LY86: variants seen among roughly 807,000 people sequenced by gnomAD.
LY86 encodes the protein lymphocyte antigen 86, also known as MD-1, RP105-associated.
Under a neutral mutation model 17.3 loss-of-function variants are expected in LY86, and 20 were observed. The ratio of observed to expected loss-of-function variants is 1.15; its 90% confidence interval spans 0.81 to 1.68. The LOEUF is 1.68. Ranked by LOEUF, LY86 falls within the 40% of genes most tolerant of loss-of-function variation. The pLI, the probability that LY86 is intolerant of heterozygous loss-of-function variation, is 0.00. For missense variants in LY86, 200 were observed against 191.9 expected (o/e 1.04, Z -0.25); for synonymous variants, 74 against 70.6 (o/e 1.05, Z -0.24).
At chr6:6,612,557 G>A (rs535868264) in intron 1 of LY86, among the ~76,000 whole-genome samples, 5 of 152,234 alleles carry the variant, frequency 3.3e-5, no homozygotes, top group South Asian at 4.1e-4. Context: ...GAAACAACCA[G>A]TTGTCACTAG....
Position 6,649,656 on chromosome 6 carries a change from T to A in LY86, c.384T>A (p.Asn128Lys). The A allele has an allele frequency of 4.4e-6, 7 of 1,576,324 alleles. No individual in the cohort carries two copies. Among genetic ancestry groups the A allele is most frequent in the Non-Finnish European group, 6.1e-6 (7 of 1,150,100 alleles). ...TTTACTATGCTGGGCCTGTCAATAATCCTGAATTTACTATTCCTCAGGTAA... is the reference window on the plus strand; with the variant it reads ...TTTACTATGCTGGGCCTGTCAATAAACCTGAATTTACTATTCCTCAGGTAA... ...EQIYYAGPVN[N>K]PEFTIPQGEY... is the part of the protein sequence containing the mutation. Residue 128 changes from asparagine (N) to lysine (K), a missense_variant, in exon 4 of 5, where the codon AAT becomes AAA. Physicochemically the swap from Asn to Lys is moderately conservative, Grantham distance 94. Coordinates refer to ENST00000230568, the MANE Select transcript of LY86 (RefSeq NM_004271.4).
intron 1 of LY86, among the ~76,000 whole-genome samples, chr6:6,604,036 C>T (rs776445996): frequency 4.6e-5 from 7 of 152,104 alleles, no homozygotes; most frequent in Non-Finnish European, 7.4e-5. Flanking sequence ...ATACTACCTT[C>T]ATAGTTCAAA....
chr6:6,601,464 T>C (rs868645107), intron 1 of LY86, among the ~76,000 whole-genome samples: 1 of 152,254 alleles, frequency 6.6e-6, no homozygotes, highest in Non-Finnish European at 1.5e-5. Flanking sequence ...GGCTCACGCC[T>C]GTAATCCCAG....
At chr6:6,613,662 C>T (rs1180292094) in intron 1 of LY86, among the ~76,000 whole-genome samples, 4 of 152,262 alleles carry the variant, frequency 2.6e-5, no homozygotes, top group East Asian at 1.9e-4. Context: ...AGGGAGCCGG[C>T]TCCGGCCTTG....
At chr6:6,600,394 A>C (rs4960219) in intron 1 of LY86, among the ~76,000 whole-genome samples, 117,961 of 151,588 alleles carry the variant, frequency 0.78, 47,795 homozygotes, top group Non-Finnish European at 0.89. Flanking sequence ...GTTCGAGATC[A>C]GTCGGTCCAA....
chr6:6,612,289 G>GGGTTA (rs1561783265), intron 1 of LY86, among the ~76,000 whole-genome samples: 1 of 152,176 alleles, frequency 6.6e-6, no homozygotes, highest in African/African-American at 2.4e-5. Flanking sequence ...TCTTTCTCGT[G>GGGTTA]GGTTAGTGGC....
chr6:6,640,588 G>C (rs1368265081), intron 3 of LY86, among the ~76,000 whole-genome samples: 1 of 151,808 alleles, frequency 6.6e-6, no homozygotes, highest in African/African-American at 2.4e-5. Flanking sequence ...GGGCATGGTG[G>C]TGTAGTCCTG....
intron 3 of LY86, among the ~76,000 whole-genome samples, chr6:6,631,519 G>A (rs1761899511): frequency 6.6e-6 from 1 of 152,210 alleles, no homozygotes; most frequent in Admixed American, 6.5e-5. Context: ...ATTATTATAA[G>A]GCAGTGGTTC....
intron 1 of LY86, among the ~76,000 whole-genome samples, chr6:6,592,219 G>C (rs1760551235): frequency 6.6e-6 from 1 of 152,210 alleles, no homozygotes. Context: ...TACTGACTAG[G>C]AAGTAAGCAG....
At chr6:6,616,478 CAG>C (rs1761557096) in intron 1 of LY86, among the ~76,000 whole-genome samples, 1 of 152,188 alleles carries the variant, frequency 6.6e-6, no homozygotes. Context: ...CCTTAGCAAA[CAG>C]GGATGTTACT....
At chr6:6,611,252 T>G (rs1016712328) in intron 1 of LY86, among the ~76,000 whole-genome samples, 4 of 152,242 alleles carry the variant, frequency 2.6e-5, no homozygotes, top group Admixed American at 2.6e-4. Flanking sequence ...TGAGTTTTTT[T>G]GTATATATTA....
chr6:6,651,724 G>A (rs935123012), intron 4 of LY86, among the ~76,000 whole-genome samples: 2 of 152,074 alleles, frequency 1.3e-5, no homozygotes, highest in African/African-American at 4.8e-5. Context: ...TAAGATAGAG[G>A]GGAAAAGAAC....
intron 3 of LY86, among the ~76,000 whole-genome samples, chr6:6,637,113 T>C (rs977838288): frequency 3.3e-5 from 5 of 150,516 alleles, no homozygotes; most frequent in African/African-American, 7.3e-5. Flanking sequence ...CCCAGGTTCA[T>C]GCCATTCTCC....
At chr6:6,631,549 C>G (rs1043504028) in intron 3 of LY86, among the ~76,000 whole-genome samples, 29 of 152,218 alleles carry the variant, frequency 1.9e-4, no homozygotes, top group Non-Finnish European at 3.7e-4. Flanking sequence ...GGTCCTCAGA[C>G]CAGCAACATC....
chr6:6,654,491 G>C, intron 4 of LY86, 53 bp from the exon 5 acceptor site: 2 of 1,312,932 alleles, frequency 1.5e-6, no homozygotes, highest in Non-Finnish European at 2.2e-6. Flanking sequence ...TTTGTTAAAT[G>C]GTTAATTGTA....
At chr6:6,612,049 T>C (rs1561782992) in intron 1 of LY86, among the ~76,000 whole-genome samples, 1 of 152,188 alleles carries the variant, frequency 6.6e-6, no homozygotes, top group East Asian at 1.9e-4. Context: ...GAGAGCAAAT[T>C]GAAGATGTTA....
chr6:6,614,494 A>G (rs539170399), intron 1 of LY86, among the ~76,000 whole-genome samples: 7 of 151,500 alleles, frequency 4.6e-5, no homozygotes, highest in Non-Finnish European at 1.0e-4. Context: ...TGCGCATACC[A>G]GGCTCTCTGG....
At chr6:6,637,985 G>C (rs1761984540) in intron 3 of LY86, among the ~76,000 whole-genome samples, 1 of 152,242 alleles carries the variant, frequency 6.6e-6, no homozygotes, top group African/African-American at 2.4e-5. Context: ...GCTGCTGGAA[G>C]TTAGGTATCT....
chr6:6,616,131 T>C (rs1456115145), intron 1 of LY86, among the ~76,000 whole-genome samples: 1 of 152,226 alleles, frequency 6.6e-6, no homozygotes, highest in Non-Finnish European at 1.5e-5. Flanking sequence ...CAGTGCATTT[T>C]CCTCTATCCC....
Sources: allele counts gnomAD v4.1 joint callset (sites outside exome capture counted in the v4.1 genomes callset), GRCh38; gene constraint gnomAD v4.1.1; transcripts MANE v1.5; gene names NCBI Gene and HGNC (gene_info 2026-07-23, HGNC 2026-07-21).